EPHA7: variants seen among roughly 807,000 people sequenced by gnomAD.
EPHA7 encodes the protein ephrin type-A receptor 7.
A neutral mutation model predicts 112.6 loss-of-function variants in EPHA7; 25 were observed. That is an observed-to-expected ratio of 0.22 (90% CI 0.16 to 0.31). EPHA7 has a LOEUF of 0.31. EPHA7 is among the 10% of genes least tolerant of loss of function. The pLI is 1.00. For synonymous variants in EPHA7, 437 were observed against 406.5 expected, an observed-to-expected ratio of 1.07 and a Z score of -0.90; for missense variants, 962 against 1,212.6, an observed-to-expected ratio of 0.79 and a Z score of 3.07.
intron 5 of EPHA7, among the ~76,000 whole-genome samples, chr6:93,328,335 G>C (rs1044605409): frequency 6.6e-6 from 1 of 151,498 alleles, no homozygotes. Context: ...ACTTCTACTA[G>C]AAACTTTTTA....
chr6:93,246,734 A>G, intron 15 of EPHA7, 58 bp downstream of exon 15: 1 of 1,437,478 alleles, frequency 7.0e-7, no homozygotes. Context: ...GAGGAGATAA[A>G]TGGTTTATGT....
chr6:93,281,237 G>A (rs1157163620), intron 5 of EPHA7, among the ~76,000 whole-genome samples: 3 of 152,056 alleles, frequency 2.0e-5, no homozygotes, highest in Non-Finnish European at 2.9e-5. Context: ...AAAATGAGAC[G>A]AAGACCAACA....
At chr6:93,245,882 C>A (rs1422729739) in intron 15 of EPHA7, among the ~76,000 whole-genome samples, 1 of 152,126 alleles carries the variant, frequency 6.6e-6, no homozygotes, top group Non-Finnish European at 1.5e-5. Flanking sequence ...AGTTAGAACA[C>A]CTCCACAGGT....
At chr6:93,409,907 C>CAAAA (rs35160871) in intron 3 of EPHA7, 1 of 114,772 alleles carries the variant, frequency 8.7e-6, no homozygotes, top group African/African-American at 2.9e-5. Context: ...GTACTTAGTC[C>CAAAA]AAAAAAAAAA....
At chr6:93,361,047 C>T (rs1051299994) in intron 3 of EPHA7, among the ~76,000 whole-genome samples, 5 of 151,928 alleles carry the variant, frequency 3.3e-5, no homozygotes, top group African/African-American at 9.7e-5. Context: ...GAAATAATAT[C>T]CCAACATACC....
At chr6:93,413,744 T>C (rs868068788) in intron 2 of EPHA7, among the ~76,000 whole-genome samples, 4 of 152,066 alleles carry the variant, frequency 2.6e-5, no homozygotes, top group Middle Eastern at 3.4e-3. Context: ...CAGATTTGTT[T>C]TGTTCATATT....
chr6:93,273,604 G>A (rs185093539), intron 5 of EPHA7, among the ~76,000 whole-genome samples: 16 of 152,004 alleles, frequency 1.1e-4, no homozygotes, highest in African/African-American at 2.9e-4. Flanking sequence ...TTTCCTCCCA[G>A]ATTACTAACA....
intron 1 of EPHA7, among the ~76,000 whole-genome samples, chr6:93,415,829 T>C (rs1239837098): frequency 6.6e-6 from 1 of 152,178 alleles, no homozygotes; most frequent in Non-Finnish European, 1.5e-5. Context: ...CATGCTTATA[T>C]GAACTTTTAA....
intron 5 of EPHA7, among the ~76,000 whole-genome samples, chr6:93,330,455 C>A (rs1439016463): frequency 6.6e-6 from 1 of 151,310 alleles, no homozygotes; most frequent in Non-Finnish European, 1.5e-5. Context: ...TCTCCCCTAA[C>A]CTTCTCAGTA....
chr6:93,355,916 CTGA>C (rs1429294972), intron 5 of EPHA7, among the ~76,000 whole-genome samples: 1 of 152,114 alleles, frequency 6.6e-6, no homozygotes, highest in Non-Finnish European at 1.5e-5. Flanking sequence ...CACAAATCTA[CTGA>C]TGAACTTAAA....
intron 5 of EPHA7, among the ~76,000 whole-genome samples, chr6:93,316,551 C>G (rs1014497902): frequency 6.6e-6 from 1 of 152,038 alleles, no homozygotes; most frequent in African/African-American, 2.4e-5. Flanking sequence ...AACATCTATA[C>G]TTTTAAAGCA....
chr6:93,324,201 GA>G (rs150009648), intron 5 of EPHA7, among the ~76,000 whole-genome samples: 11,040 of 151,282 alleles, frequency 0.073, 463 homozygotes, highest in South Asian at 0.16. Flanking sequence ...TTAGTCCTGG[GA>G]TAACTTCCTT....
At chr6:93,269,741 A>G (rs1771119288) in intron 6 of EPHA7, 81 bp from the exon 7 acceptor site, 1 of 1,171,440 alleles carries the variant, frequency 8.5e-7, no homozygotes, top group Non-Finnish European at 1.2e-6. Flanking sequence ...ATTTAATTCA[A>G]TTTGCTCCAT....
chr6:93,257,368 A>T, intron 12 of EPHA7, 94 bp downstream of exon 12: 1 of 852,454 alleles, frequency 1.2e-6, no homozygotes, highest in Non-Finnish European at 1.9e-6. Context: ...ACTATTTTAC[A>T]AGGCTCTCAT....
chr6:93,292,865 C>T (rs1159128391), intron 5 of EPHA7, among the ~76,000 whole-genome samples: 2 of 152,040 alleles, frequency 1.3e-5, no homozygotes, highest in Admixed American at 6.6e-5. Flanking sequence ...GATAAATCTG[C>T]GCTCCTGCCA....
rs560655771 is a variant in EPHA7, at chr6:93,325,985, C to T, written c.1324+30732G>A. ...AAAAAATGACACAACATCCTCTCTT[C>T]GCCATCAATGAGATCTAACAAAGAG... On this transcript the variant is annotated intron_variant, in intron 5 of 16. Coordinates refer to ENST00000369303, the MANE Select transcript of EPHA7 (RefSeq NM_004440.4). Among the ~76,000 whole-genome samples the T allele has an allele frequency of 5.9e-5, 9 of 151,438 alleles. No individual in the cohort carries two copies. In the East Asian group the frequency reaches 7.8e-4, roughly 13 times the overall value.
At chr6:93,254,408 C>T (rs898512883) in intron 14 of EPHA7, among the ~76,000 whole-genome samples, 2 of 152,048 alleles carry the variant, frequency 1.3e-5, no homozygotes, top group African/African-American at 4.8e-5. Flanking sequence ...TAGTAAGCTT[C>T]TATTTTGTGT....
In EPHA7 at chr6:93,410,587, T is replaced by C. The variant is rs1219521062; in HGVS notation, c.746A>G (p.His249Arg). 1.2e-6 allele frequency: 2 copies of C among 1,614,036 alleles called. No individual in the cohort carries two copies. The highest frequency in any genetic ancestry group is 1.1e-5 in the South Asian group (1 of 91,086). ...EEEAENAPRMHCSAEGEWLVP... is the reference protein window; with the variant it reads ...EEEAENAPRMRCSAEGEWLVP... ...TAACCATTCTCCTTCTGCACTGCAG[T>C]GCATCCTGGGGGCGTTTTCCGCTTC... Residue 249 changes from histidine to arginine, a missense_variant, in exon 3 of 17, where the codon CAC becomes CGC. Around this residue, in one of 3 missense-constraint regions of EPHA7, gnomAD observed 160 missense variants for 263.6 expected, o/e 0.61. Coordinates refer to ENST00000369303, the MANE Select transcript of EPHA7 (RefSeq NM_004440.4). The surrounding 1 kb of genome is among the most constrained non-coding windows in gnomAD (Gnocchi z 4.0).
chr6:93,411,783 A>T (rs181575847), intron 2 of EPHA7, among the ~76,000 whole-genome samples: 1 of 152,246 alleles, frequency 6.6e-6, no homozygotes, highest in East Asian at 1.9e-4. Context: ...ACAAAGCCAC[A>T]TAACTATAAA....
Sources: gnomAD v4.1 joint callset for allele counts (sites outside exome capture counted in the v4.1 genomes callset) on GRCh38, gnomAD v4.1.1 for gene constraint, gnomAD v4.1.1 regional missense constraint, Gnocchi (gnomAD v3.1) non-coding constraint, MANE v1.5 for transcripts, NCBI Gene and HGNC (gene_info 2026-07-23, HGNC 2026-07-21) for gene names.